The following IRX3 variants were observed in gnomAD, a reference collection of about 807,000 sequenced individuals.
IRX3 encodes iroquois homeobox 3, also known as iroquois-class homeodomain protein IRX-3.
Under a neutral mutation model 36.4 loss-of-function variants are expected in IRX3, and 20 were observed. That is an observed-to-expected ratio of 0.55 (90% CI 0.39 to 0.80). IRX3 has a LOEUF of 0.80. IRX3 is among the 30% of genes least tolerant of loss of function. The pLI is 0.00. For missense variants in IRX3, 718 were observed against 733.2 expected, an observed-to-expected ratio of 0.98 and a Z score of 0.24; for synonymous variants, 404 against 351.6, an observed-to-expected ratio of 1.15 and a Z score of -1.67.
chr16:54,284,861 G>A lies in IRX3; in HGVS notation c.1020C>T (p.Pro340=). ...TCTTGGGCTTCTGCAGGGCGGAGGC[G>A]GGGGCTGGTGCGGGAGCGCAGGGGT... The part of the protein sequence containing the change: ...SLDPCAPAPA[P]ASALQKPKIW... Residue 340 remains proline (P), a synonymous_variant, in exon 2 of 4, where the codon CCC becomes CCT. Transcript: ENST00000329734. This position sits in a 1 kb window ranked among gnomAD's most constrained non-coding sequence, Gnocchi z 4.0. 1 of 1,545,712 alleles carries A rather than the reference G, an allele frequency of 6.5e-7. No homozygotes were observed. Among genetic ancestry groups the A allele is most frequent in the Non-Finnish European group, 8.7e-7 (1 of 1,148,376 alleles).
Position 54,284,721 on chromosome 16 carries a change from G to C in IRX3, c.1160C>G (p.Pro387Arg). ...AVAPSALQLS[P>R]AAAAAAAHRL... ...GTGAGCGGCGGCGGCGGCGGCGGCCGGAGAGAGCTGCAGGGCGGAAGGCGC... is the reference window on the plus strand; with the variant it reads ...GTGAGCGGCGGCGGCGGCGGCGGCCCGAGAGAGCTGCAGGGCGGAAGGCGC... Residue 387 changes from proline to arginine, a missense_variant, in exon 2 of 4, where the codon CCG (proline) becomes CGG (arginine). This residue lies in a region of IRX3 where 468 missense variants were observed against 462.1 expected (regional missense o/e 1.01). Coordinates refer to ENST00000329734, the MANE Select transcript of IRX3 (RefSeq NM_024336.3). This position sits in a 1 kb window ranked among gnomAD's most constrained non-coding sequence, Gnocchi z 4.0. 2 of 1,435,058 alleles carry C rather than the reference G, an allele frequency of 1.4e-6. No individual in the cohort carries two copies. Among genetic ancestry groups the C allele is most frequent in the Non-Finnish European group, 1.8e-6 (2 of 1,107,290 alleles). 88.9% of individuals were successfully genotyped at this position (1,435,058 alleles called of 1,614,324 possible).
Position 54,285,676 on chromosome 16 carries a change from G to A in IRX3, c.268-63C>T, listed in dbSNP as rs1901313874. On this transcript the variant is annotated intron_variant, in intron 1 of 3. Coordinates refer to ENST00000329734, the MANE Select transcript of IRX3 (RefSeq NM_024336.3). This position sits in a 1 kb window ranked among gnomAD's most constrained non-coding sequence, Gnocchi z 5.7. ...GGAGCGCGAGTGAGCCCCAGCCATC[G>A]CTGCCTCCCCCCTCCTGGCCTGCAC... 6.8e-7 allele frequency: 1 copy of A among 1,461,784 alleles called. No individual in the cohort carries two copies. Among genetic ancestry groups the A allele is most frequent in the Admixed American group, 2.6e-5 (1 of 38,928 alleles). 90.6% of individuals were successfully genotyped at this position (1,461,784 alleles called of 1,614,324 possible).
chr16:54,284,676 A>G lies in IRX3; in HGVS notation c.1205T>C (p.Leu402Pro), dbSNP rs1300370771. The G allele has an allele frequency of 1.1e-5, 16 of 1,400,930 alleles. No homozygotes were observed. Among genetic ancestry groups the G allele is most frequent in the Non-Finnish European group, 1.4e-5 (15 of 1,091,056 alleles). The allele number at this position is 1,400,930 out of a possible 1,614,324, so 86.8% of individuals were successfully genotyped here. Residue 402 changes from leucine to proline, a missense_variant, in exon 2 of 4, where the codon CTG becomes CCG. Physicochemically the swap from Leu to Pro is moderately conservative, Grantham distance 98. Transcript: ENST00000329734. This position sits in a 1 kb window ranked among gnomAD's most constrained non-coding sequence, Gnocchi z 4.0. ...GTTGGTCCAAGCCGGGAACTTGCCC[A>G]GCGGCGCTGAGACCAGTCTGTGAGC... ...AAAHRLVSAP[L>P]GKFPAWTNRP...
At position 54,286,713 on chromosome 16, in the gene IRX3, C is replaced by G. The variant is rs1901353148; in HGVS notation, c.-663G>C. 6.6e-6 allele frequency: 1 copy of G among 152,388 alleles called. No homozygotes were observed. Among genetic ancestry groups the G allele is most frequent in the Admixed American group, 6.5e-5 (1 of 15,280 alleles). 9.4% of individuals were successfully genotyped at this position (152,388 alleles called of 1,614,324 possible). On this transcript the variant is annotated 5_prime_UTR_variant, in exon 1 of 4. Transcript: ENST00000329734. Reference sequence around the variant, plus strand: ...CCCGCGACCTTTCCAGCCTCTGCGCCCTGGGCTAAGTAAGGCAGCCAAAAG... The same window carrying G: ...CCCGCGACCTTTCCAGCCTCTGCGCGCTGGGCTAAGTAAGGCAGCCAAAAG...
Position 54,285,783 on chromosome 16 carries a change from C to T in IRX3, c.267+1G>A. 6.5e-7 allele frequency: 1 copy of T among 1,550,234 alleles called. No homozygotes were observed. The highest frequency in any genetic ancestry group is 8.6e-7 in the Non-Finnish European group (1 of 1,156,834). On this transcript the variant is annotated splice_donor_variant, in intron 1 of 3. Coordinates refer to ENST00000329734, the MANE Select transcript of IRX3 (RefSeq NM_024336.3). LOFTEE classifies it high-confidence loss of function. This position sits in a 1 kb window ranked among gnomAD's most constrained non-coding sequence, Gnocchi z 5.7. ...CCTTCCCTGGCTCCGCGGGCTCTTA[C>T]CAGCTGCGGGAAGATGGGCAGCTCC...
Position 54,285,896 on chromosome 16 carries a change from A to C in IRX3, c.155T>G (p.Val52Gly). 2 of 1,533,458 alleles carry C rather than the reference A, an allele frequency of 1.3e-6. No homozygotes were observed. Among genetic ancestry groups the C allele is most frequent in the Non-Finnish European group, 1.8e-6 (2 of 1,141,068 alleles). The allele number at this position is 1,533,458 out of a possible 1,614,324, so 95.0% of individuals were successfully genotyped here. Reference sequence around the variant, plus strand: ...GGGCGCCCCGTACACGGACGAGAGCACGTTGGACAGGGACCCCGAGGCGTT... The same window carrying C: ...GGGCGCCCCGTACACGGACGAGAGCCCGTTGGACAGGGACCCCGAGGCGTT... ...ELNASGSLSN[V>G]LSSVYGAPYA... The change falls in exon 1 of 4, where the codon GTG becomes GGG. Residue 52 changes from valine to glycine, a missense_variant. Coordinates refer to ENST00000329734, the MANE Select transcript of IRX3 (RefSeq NM_024336.3). The surrounding 1 kb of genome is among the most constrained non-coding windows in gnomAD (Gnocchi z 5.7).
chr16:54,285,609 G>T lies in IRX3; in HGVS notation c.272C>A (p.Ala91Glu). Reference protein sequence around the residue: ...AELPIFPQLGAQYELKDSPGV... With the variant: ...AELPIFPQLGEQYELKDSPGV... ...GGGGCTGTCCTTCAGCTCATACTGC[G>T]CGCCCTGTACGCACATGGAGAAGGA... is the stretch of plus-strand genomic sequence containing the variant. Residue 91 changes from alanine to glutamate, a missense_variant, in exon 2 of 4, where the codon GCG becomes GAG. Transcript: ENST00000329734. This position sits in a 1 kb window ranked among gnomAD's most constrained non-coding sequence, Gnocchi z 5.7. The T allele has an allele frequency of 6.6e-7, 1 of 1,522,908 alleles. No individual in the cohort carries two copies. The highest frequency in any genetic ancestry group is 1.3e-5 in the South Asian group (1 of 78,368). 94.3% of individuals were successfully genotyped at this position (1,522,908 alleles called of 1,614,324 possible).
chr16:54,284,154 AC>A lies in IRX3; in HGVS notation c.1451+91del. 7.7e-7 allele frequency: 1 copy of A among 1,297,688 alleles called. No homozygotes were observed. The highest frequency in any genetic ancestry group is 1.1e-6 in the Non-Finnish European group (1 of 922,282). 80.4% of individuals were successfully genotyped at this position (1,297,688 alleles called of 1,614,324 possible). ...ATGCGTCCCAGCAGGGTTCCCCCCT[AC>A]CCCGGGGCAAAAGGCCGTGCGTGGT... On this transcript the variant is annotated intron_variant, in intron 3 of 3. Coordinates refer to ENST00000329734, the MANE Select transcript of IRX3 (RefSeq NM_024336.3). The surrounding 1 kb of genome is among the most constrained non-coding windows in gnomAD (Gnocchi z 4.0).
At position 54,283,865 on chromosome 16, in the gene IRX3, TC is replaced by T; in HGVS notation, c.1452-126del. On this transcript the variant is annotated intron_variant, in intron 3 of 3. Coordinates refer to ENST00000329734, the MANE Select transcript of IRX3 (RefSeq NM_024336.3). The surrounding 1 kb of genome is among the most constrained non-coding windows in gnomAD (Gnocchi z 4.4). ...GAAGGTGTCGCAATGTAAAATTATG[TC>T]CAGTTGTAGATGTGTGTGTTGGGGT... is the stretch of plus-strand genomic sequence containing the variant. 2 of 1,537,618 alleles carry T rather than the reference TC, an allele frequency of 1.3e-6. No homozygotes were observed. Among genetic ancestry groups the T allele is most frequent in the Non-Finnish European group, 8.8e-7 (1 of 1,141,356 alleles).
In IRX3 at chr16:54,284,359, T is replaced by C. The variant is rs199707363; in HGVS notation, c.1385-47A>G. 3.0e-4 allele frequency: 472 copies of C among 1,573,526 alleles called. 4 individuals carry two copies. The East Asian group carries it at 8.5e-3, about 28-fold the overall frequency. On this transcript the variant is annotated intron_variant, in intron 2 of 3. Coordinates refer to ENST00000329734, the MANE Select transcript of IRX3 (RefSeq NM_024336.3). The surrounding 1 kb of genome is among the most constrained non-coding windows in gnomAD (Gnocchi z 4.0). ...AAAGGAGGGCCTTTAGAGCGCTCGG[T>C]GCCGGCGCCCAGGGCCGCAGAAAGC...
rs1172670559 is a variant in IRX3, at chr16:54,285,815, T to C, written c.236A>G (p.Tyr79Cys). 12 of 1,564,644 alleles carry C rather than the reference T, an allele frequency of 7.7e-6. No homozygotes were observed. Among genetic ancestry groups the C allele is most frequent in the South Asian group, 5.8e-5 (5 of 86,058 alleles). The change falls in exon 1 of 4, where the codon TAC becomes TGC. Residue 79 changes from tyrosine (Y) to cysteine (C), a missense_variant. Coordinates refer to ENST00000329734, the MANE Select transcript of IRX3 (RefSeq NM_024336.3). The surrounding 1 kb of genome is among the most constrained non-coding windows in gnomAD (Gnocchi z 5.7). Reference sequence around the variant, plus strand: ...CGGGAAGATGGGCAGCTCCGCGGCGTAGGGCAGGAAGGCGCCGTAGCCTTG... The same window carrying C: ...CGGGAAGATGGGCAGCTCCGCGGCGCAGGGCAGGAAGGCGCCGTAGCCTTG... ...AAQGYGAFLP[Y>C]AAELPIFPQL...
chr16:54,285,731 T>G lies in IRX3; in HGVS notation c.267+53A>C, dbSNP rs1192492837. 4.8e-6 allele frequency: 7 copies of G among 1,467,422 alleles called. No individual in the cohort carries two copies. In the East Asian group the frequency reaches 1.7e-4, roughly 36 times the overall value. The allele number at this position is 1,467,422 out of a possible 1,614,324, so 90.9% of individuals were successfully genotyped here. On this transcript the variant is annotated intron_variant, in intron 1 of 3. Coordinates refer to ENST00000329734, the MANE Select transcript of IRX3 (RefSeq NM_024336.3). The surrounding 1 kb of genome is among the most constrained non-coding windows in gnomAD (Gnocchi z 5.7). ...CTAGTCCGGCCCCCGCGCGCTCAGCTCGCCCTGCGCCCCAGCGCCAACCCC... is the reference window on the plus strand; with the variant it reads ...CTAGTCCGGCCCCCGCGCGCTCAGCGCGCCCTGCGCCCCAGCGCCAACCCC...
chr16:54,285,800 G>C lies in IRX3; in HGVS notation c.251C>G (p.Pro84Arg), dbSNP rs1395289061. 2 of 1,561,572 alleles carry C rather than the reference G, an allele frequency of 1.3e-6. No individual in the cohort carries two copies. Among genetic ancestry groups the C allele is most frequent in the African/African-American group, 2.7e-5 (2 of 73,034 alleles). Residue 84 changes from proline to arginine, a missense_variant, in exon 1 of 4, where the codon CCC becomes CGC. Physicochemically the swap from Pro to Arg is moderately radical, Grantham distance 103. Around this residue, in one of 3 missense-constraint regions of IRX3, gnomAD observed 204 missense variants for 181.4 expected, o/e 1.12. Transcript: ENST00000329734. This position sits in a 1 kb window ranked among gnomAD's most constrained non-coding sequence, Gnocchi z 5.7. ...GAFLPYAAEL[P>R]IFPQLGAQYE... ...GGCTCTTACCAGCTGCGGGAAGATG[G>C]GCAGCTCCGCGGCGTAGGGCAGGAA...
chr16:54,285,127 C>T lies in IRX3; in HGVS notation c.754G>A (p.Glu252Lys), dbSNP rs778100589. Reference protein sequence around the residue: ...GEGLADDDEDEEIDLENLDGA... With the variant: ...GEGLADDDEDKEIDLENLDGA... ...TCTAAGTTCTCCAAATCGATCTCCT[C>T]GTCCTCGTCGTCGTCAGCCAGGCCC... The change falls in exon 2 of 4, where the codon GAG becomes AAG. Residue 252 changes from glutamate to lysine, a missense_variant. By Grantham distance (56) the Glu-to-Lys change is moderately conservative. This residue lies in a region of IRX3 where 468 missense variants were observed against 462.1 expected (regional missense o/e 1.01). Transcript: ENST00000329734. This position sits in a 1 kb window ranked among gnomAD's most constrained non-coding sequence, Gnocchi z 5.7. The T allele has an allele frequency of 6.2e-7, 1 of 1,612,696 alleles. No individual in the cohort carries two copies. Among genetic ancestry groups the T allele is most frequent in the African/African-American group, 1.3e-5 (1 of 74,888 alleles).
chr16:54,284,928 G>T lies in IRX3; in HGVS notation c.953C>A (p.Ala318Asp). ...CGACGGCAGAGACGGCGAGGCCACGGCCACTGGTGGTGGCGCTGGAGCCAG... is the reference window on the plus strand; with the variant it reads ...CGACGGCAGAGACGGCGAGGCCACGTCCACTGGTGGTGGCGCTGGAGCCAG... ...LSLAPAPPPV[A>D]VASPSLPSPP... Residue 318 changes from alanine (A) to aspartate (D), a missense_variant, in exon 2 of 4, where the codon GCC (alanine) becomes GAC (aspartate). This residue lies in a region of IRX3 where 468 missense variants were observed against 462.1 expected (regional missense o/e 1.01). Transcript: ENST00000329734. This position sits in a 1 kb window ranked among gnomAD's most constrained non-coding sequence, Gnocchi z 4.0. 2 of 1,600,196 alleles carry T rather than the reference G, an allele frequency of 1.2e-6. No individual in the cohort carries two copies. The highest frequency in any genetic ancestry group is 1.7e-6 in the Non-Finnish European group (2 of 1,173,998).
In IRX3 at chr16:54,284,436, G is replaced by C. The variant is rs375668113; in HGVS notation, c.1384+61C>G. 24 of 1,407,026 alleles carry C rather than the reference G, an allele frequency of 1.7e-5. No homozygotes were observed. The highest frequency in any genetic ancestry group is 5.2e-4 in the Middle Eastern group (2 of 3,864). The allele number at this position is 1,407,026 out of a possible 1,614,324, so 87.2% of individuals were successfully genotyped here. A position where few individuals can be genotyped will look rare whatever the true frequency, so the allele number is the denominator to read the frequency against. On this transcript the variant is annotated intron_variant, in intron 2 of 3. Coordinates refer to ENST00000329734, the MANE Select transcript of IRX3 (RefSeq NM_024336.3). The surrounding 1 kb of genome is among the most constrained non-coding windows in gnomAD (Gnocchi z 4.0). ...CGCCCCCCGGGCCCTGCCCCTCCCG[G>C]CCAGCTCCGGCACTACCCGCAGAGC...
At position 54,284,886 on chromosome 16, in the gene IRX3, T is replaced by A; in HGVS notation, c.995A>T (p.Asp332Val). The A allele has an allele frequency of 6.4e-7, 1 of 1,564,514 alleles. No homozygotes were observed. Among genetic ancestry groups the A allele is most frequent in the Non-Finnish European group, 8.6e-7 (1 of 1,156,600 alleles). The change falls in exon 2 of 4, where the codon GAC becomes GTC. Residue 332 changes from aspartate to valine, a missense_variant. Physicochemically the swap from Asp to Val is radical, Grantham distance 152. Transcript: ENST00000329734. This position sits in a 1 kb window ranked among gnomAD's most constrained non-coding sequence, Gnocchi z 4.0. ...PSLPSPPVSL[D>V]PCAPAPAPAS... ...GGGGGCTGGTGCGGGAGCGCAGGGGTCCAGGCTCACGGGGGGCGACGGCAG... is the reference window on the plus strand; with the variant it reads ...GGGGGCTGGTGCGGGAGCGCAGGGGACCAGGCTCACGGGGGGCGACGGCAG...
At position 54,285,525 on chromosome 16, in the gene IRX3, G is replaced by C. The variant is rs762071998; in HGVS notation, c.356C>G (p.Pro119Arg). The C allele has an allele frequency of 6.2e-7, 1 of 1,612,912 alleles. No homozygotes were observed. The highest frequency in any genetic ancestry group is 8.5e-7 in the Non-Finnish European group (1 of 1,179,352). Residue 119 changes from proline to arginine, a missense_variant, in exon 2 of 4, where the codon CCG (proline) becomes CGG (arginine). By Grantham distance (103) the Pro-to-Arg change is moderately radical (BLOSUM62 -2). This residue lies in a region of IRX3 where 204 missense variants were observed against 181.4 expected (regional missense o/e 1.12). Transcript: ENST00000329734. This position sits in a 1 kb window ranked among gnomAD's most constrained non-coding sequence, Gnocchi z 5.7. The stretch of plus-strand genomic sequence containing the variant: ...GTCCCCGAACTGGTACTGGCCATAC[G>C]GGTAGAAGGCGGGGTGCGGGTGCGG... Reference protein sequence around the residue: ...AFPHPHPAFYPYGQYQFGDPS... With the variant: ...AFPHPHPAFYRYGQYQFGDPS...
chr16:54,286,222 G>C lies in IRX3; in HGVS notation c.-172C>G, dbSNP rs373499930. 13 of 525,168 alleles carry C rather than the reference G, an allele frequency of 2.5e-5. No homozygotes were observed. In the South Asian group the frequency reaches 5.3e-4, roughly 22 times the overall value. The allele number at this position is 525,168 out of a possible 1,614,324, so 32.5% of individuals were successfully genotyped here. On this transcript the variant is annotated 5_prime_UTR_variant, in exon 1 of 4. Transcript: ENST00000329734. Reference sequence around the variant, plus strand: ...TATTGATCTGCTCCGCGGCGGCGACGGCGGCGGCGAGGGCGGCGGCGAGGA... The same window carrying C: ...TATTGATCTGCTCCGCGGCGGCGACCGCGGCGGCGAGGGCGGCGGCGAGGA...
Sources: gnomAD v4.1 joint callset for allele counts on GRCh38, gnomAD v4.1.1 for gene constraint, gnomAD v4.1.1 regional missense constraint, Gnocchi (gnomAD v3.1) non-coding constraint, MANE v1.5 for transcripts, NCBI Gene and HGNC (gene_info 2026-07-23, HGNC 2026-07-21) for gene names.